Variants in RFX7 observed in about 807,000 individuals in gnomAD.
The protein encoded by RFX7 is regulatory factor X7.
In RFX7, 26 loss-of-function variants were observed where a neutral mutation model predicts 111.8. That is an observed-to-expected ratio of 0.23 (90% CI 0.17 to 0.32). The LOEUF is 0.32. Ranked by LOEUF, RFX7 falls within the 10% of genes least tolerant of loss-of-function variation. The pLI, the probability that RFX7 is intolerant of heterozygous loss-of-function variation, is 1.00. For missense variants in RFX7, 1,573 were observed against 1,772.9 expected (o/e 0.89, Z 2.02); for synonymous variants, 624 against 624.4 (o/e 1.00, Z 0.01).
At chr15:56,117,507 A>G (rs1409027052) in intron 5 of RFX7, among the ~76,000 whole-genome samples, 1 of 152,148 alleles carries the variant, frequency 6.6e-6, no homozygotes, top group African/African-American at 2.4e-5. Context: ...GGAACATTCA[A>G]TATCCTCCGC....
At chr15:56,205,385 G>T (rs1352099792) in intron 2 of RFX7, among the ~76,000 whole-genome samples, 6 of 152,038 alleles carry the variant, frequency 3.9e-5, no homozygotes, top group African/African-American at 1.4e-4. Flanking sequence ...TATGCTTTTT[G>T]CCCAAATTTT....
intron 2 of RFX7, among the ~76,000 whole-genome samples, chr15:56,224,366 AAAT>A (rs1387226907): frequency 1.3e-5 from 2 of 152,094 alleles, no homozygotes; most frequent in Non-Finnish European, 2.9e-5. Flanking sequence ...AAAAAGAAGA[AAAT>A]AAATATTTTG....
In RFX7 at chr15:56,243,305, G is replaced by T; in HGVS notation, c.-2-18C>A. ...TGCCATCGCTGCAGAGGGGTGGGAGGGAGGGAGGGAAAGATGGGGGCGCGG... is the reference window on the plus strand; with the variant it reads ...TGCCATCGCTGCAGAGGGGTGGGAGTGAGGGAGGGAAAGATGGGGGCGCGG... On this transcript the variant is annotated intron_variant, in intron 1 of 9. Coordinates refer to ENST00000559447, the MANE Select transcript of RFX7 (RefSeq NM_022841.7). 8 of 1,042,768 alleles carry T rather than the reference G, an allele frequency of 7.7e-6. No homozygotes were observed. Among genetic ancestry groups the T allele is most frequent in the African/African-American group, 1.7e-5 (1 of 57,488 alleles). 64.6% of individuals were successfully genotyped at this position (1,042,768 alleles called of 1,614,324 possible). A position where few individuals can be genotyped will look rare whatever the true frequency, so the allele number is the denominator to read the frequency against.
chr15:56,179,491 T>A (rs1025764374), intron 2 of RFX7, among the ~76,000 whole-genome samples, 188 bp from the exon 3 acceptor site: 1 of 152,146 alleles, frequency 6.6e-6, no homozygotes, highest in African/African-American at 2.4e-5. Flanking sequence ...ATTTCCCATT[T>A]ACTGTACTAA....
chr15:56,097,915 A>G (rs1279088200), intron 9 of RFX7, among the ~76,000 whole-genome samples, 166 bp downstream of exon 9: 1 of 152,172 alleles, frequency 6.6e-6, no homozygotes, highest in Non-Finnish European at 1.5e-5. Flanking sequence ...TTTGTAATCA[A>G]CAACATACAT....
intron 3 of RFX7, among the ~76,000 whole-genome samples, chr15:56,167,989 G>C (rs566153130): frequency 6.6e-6 from 1 of 152,254 alleles, no homozygotes. Flanking sequence ...GGAAAAATAA[G>C]GAACATTTTC....
chr15:56,198,121 C>CT (rs2043162069), intron 2 of RFX7, among the ~76,000 whole-genome samples: 1 of 152,074 alleles, frequency 6.6e-6, no homozygotes, highest in African/African-American at 2.4e-5. Flanking sequence ...ATGGGAAAAA[C>CT]TTTTTTAGAT....
At chr15:56,224,020 C>A (rs2043453991) in intron 2 of RFX7, among the ~76,000 whole-genome samples, 5 of 149,164 alleles carry the variant, frequency 3.4e-5, no homozygotes, top group Admixed American at 1.3e-4. Context: ...AAATAATAAG[C>A]AGTCTTTTTT....
chr15:56,128,059 A>G (rs758001688), intron 5 of RFX7, among the ~76,000 whole-genome samples: 5 of 152,200 alleles, frequency 3.3e-5, no homozygotes, highest in Non-Finnish European at 7.3e-5. Context: ...AGAAGAACAC[A>G]AACTATCAAA....
Position 56,243,296 on chromosome 15 carries a change from GGGT to G in RFX7, c.-2-12_-2-10del, listed in dbSNP as rs2043733445. 1.8e-5 allele frequency: 21 copies of G among 1,185,602 alleles called. No individual in the cohort carries two copies. Among genetic ancestry groups the G allele is most frequent in the Non-Finnish European group, 2.3e-5 (21 of 923,542 alleles). The allele number at this position is 1,185,602 out of a possible 1,614,324, so 73.4% of individuals were successfully genotyped here. A position where few individuals can be genotyped will look rare whatever the true frequency, so the allele number is the denominator to read the frequency against. On this transcript the variant is annotated splice_polypyrimidine_tract_variant and intron_variant, in intron 1 of 9. Transcript: ENST00000559447. ...TTGTTCCTCTGCCATCGCTGCAGAG[GGGT>G]GGGAGGGAGGGAGGGAAAGATGGGG...
chr15:56,155,794 T>G (rs1432531142), intron 3 of RFX7, among the ~76,000 whole-genome samples: 1 of 151,966 alleles, frequency 6.6e-6, no homozygotes, highest in East Asian at 1.9e-4. Flanking sequence ...AGAAAAAGTC[T>G]CCTCCCCATA....
At chr15:56,127,694 C>G (rs1336800285) in intron 5 of RFX7, among the ~76,000 whole-genome samples, 2 of 151,426 alleles carry the variant, frequency 1.3e-5, no homozygotes, top group Non-Finnish European at 2.9e-5. Flanking sequence ...ACTACAGGCG[C>G]GCGCCACCAT....
intron 8 of RFX7, among the ~76,000 whole-genome samples, chr15:56,099,403 T>A (rs1036827310): frequency 2.0e-5 from 3 of 152,106 alleles, no homozygotes; most frequent in Admixed American, 1.3e-4. Flanking sequence ...CTTTTAAAAA[T>A]CACAATTTTT....
At chr15:56,228,183 T>A (rs1235580072) in intron 2 of RFX7, among the ~76,000 whole-genome samples, 1 of 152,098 alleles carries the variant, frequency 6.6e-6, no homozygotes, top group Admixed American at 6.5e-5. Flanking sequence ...AGGCATATTT[T>A]TTTTTGGTAT....
At chr15:56,153,942 A>G (rs1056064968) in intron 3 of RFX7, among the ~76,000 whole-genome samples, 3 of 152,218 alleles carry the variant, frequency 2.0e-5, no homozygotes, top group East Asian at 3.8e-4. Flanking sequence ...ACTTCAGCAA[A>G]GTCTCAAGAT....
intron 3 of RFX7, among the ~76,000 whole-genome samples, chr15:56,158,369 G>A (rs539848127): frequency 1.3e-5 from 2 of 152,258 alleles, no homozygotes; most frequent in Non-Finnish European, 2.9e-5. Context: ...TTATGTAAAT[G>A]TTATTATTTT....
intron 2 of RFX7, among the ~76,000 whole-genome samples, chr15:56,221,802 T>A (rs2043429607): frequency 6.6e-6 from 1 of 152,230 alleles, no homozygotes; most frequent in African/African-American, 2.4e-5. Context: ...TGCAATTCAA[T>A]CTGTCTTACT....
chr15:56,243,212 T>G lies in RFX7; in HGVS notation c.74A>C (p.Asn25Thr), dbSNP rs1281942586. Residue 25 changes from asparagine to threonine, a missense_variant, in exon 2 of 10, where the codon AAC becomes ACC. Coordinates refer to ENST00000559447, the MANE Select transcript of RFX7 (RefSeq NM_022841.7). The part of the protein sequence containing the change: ...AHQQLPPSAP[N>T]SGVALPALVP... The stretch of plus-strand genomic sequence containing the variant: ...AAGGGCTGGCAGGGCCACCCCCGAG[T>G]TGGGGGCGCTGGGGGGAAGCTGCTG... 7.5e-7 allele frequency: 1 copy of G among 1,328,586 alleles called. No individual in the cohort carries two copies. The highest frequency in any genetic ancestry group is 1.5e-5 in the African/African-American group (1 of 64,996). The allele number at this position is 1,328,586 out of a possible 1,614,324, so 82.3% of individuals were successfully genotyped here.
At chr15:56,235,353 T>A (rs1370031764) in intron 2 of RFX7, among the ~76,000 whole-genome samples, 3 of 152,130 alleles carry the variant, frequency 2.0e-5, no homozygotes, top group African/African-American at 7.2e-5. Context: ...TTTTTATATT[T>A]TTAGTAGAGA....
Sources: allele counts gnomAD v4.1 joint callset (sites outside exome capture counted in the v4.1 genomes callset), GRCh38; gene constraint gnomAD v4.1.1; transcripts MANE v1.5; gene names NCBI Gene and HGNC (gene_info 2026-07-23, HGNC 2026-07-21).